UBE3D: variants seen among roughly 807,000 people sequenced by gnomAD.
UBE3D encodes E3 ubiquitin-protein ligase E3D.
UBE3D carries 48 observed loss-of-function variants against 49.6 expected under a neutral mutation model. That is an observed-to-expected ratio of 0.97 (90% confidence interval 0.77 to 1.23). UBE3D has a LOEUF of 1.23. Among genes scored for constraint, UBE3D ranks in the 50% most tolerant of loss-of-function variants. The probability of loss-of-function intolerance (pLI) is 0.00; values close to 1 mark genes in which losing one functional copy is unlikely to be tolerated. For synonymous variants in UBE3D, 189 were observed against 174.2 expected, an observed-to-expected ratio of 1.08 and a Z score of -0.67; for missense variants, 452 against 468.4, an observed-to-expected ratio of 0.96 and a Z score of 0.32.
chr6:83,056,690 T>A (rs1783834677), intron 2 of UBE3D, among the ~76,000 whole-genome samples: 1 of 152,104 alleles, frequency 6.6e-6, no homozygotes, highest in African/African-American at 2.4e-5. Context: ...CTCTCTATCT[T>A]CTCTTTCCTC....
At chr6:82,893,661 G>T (rs1015439343) in intron 9 of UBE3D, among the ~76,000 whole-genome samples, 1 of 152,158 alleles carries the variant, frequency 6.6e-6, no homozygotes, top group African/African-American at 2.4e-5. Context: ...TAGTTCAGGG[G>T]TGACAATAAA....
At chr6:82,977,181 A>C (rs753085480) in intron 8 of UBE3D, among the ~76,000 whole-genome samples, 1 of 151,336 alleles carries the variant, frequency 6.6e-6, no homozygotes, top group Non-Finnish European at 1.5e-5. Flanking sequence ...TAATCCAAAA[A>C]TGCTCTCTGG....
chr6:83,058,451 T>C (rs150955774), intron 1 of UBE3D, among the ~76,000 whole-genome samples: 6 of 152,310 alleles, frequency 3.9e-5, no homozygotes, highest in Non-Finnish European at 7.3e-5. Context: ...GAATATCAGG[T>C]GTGAAAGGAC....
At chr6:82,891,148 C>T (rs917092018), downstream of UBE3D, among the ~76,000 whole-genome samples, 29 of 152,214 alleles carry the variant, frequency 1.9e-4, no homozygotes, top group African/African-American at 6.5e-4. Flanking sequence ...ACTCCATAGA[C>T]AGTCACCAAA....
At chr6:83,046,676 G>GGGT (rs1554211657) in intron 3 of UBE3D, among the ~76,000 whole-genome samples, 6 of 138,202 alleles carry the variant, frequency 4.3e-5, no homozygotes, top group Admixed American at 1.5e-4. Context: ...AGTTGGCGGG[G>GGGT]GGGGTGGGCG....
intron 6 of UBE3D, among the ~76,000 whole-genome samples, chr6:83,023,044 G>C (rs1781214404): frequency 6.6e-6 from 1 of 152,148 alleles, no homozygotes; most frequent in Non-Finnish European, 1.5e-5. Context: ...TATACTCAAA[G>C]ATTGCTATAA....
At chr6:83,057,258 C>T (rs1467677812) in intron 2 of UBE3D, among the ~76,000 whole-genome samples, 1 of 152,178 alleles carries the variant, frequency 6.6e-6, no homozygotes, top group Non-Finnish European at 1.5e-5. Flanking sequence ...ACCCTAGTCA[C>T]TCCCTATCCC....
intron 8 of UBE3D, among the ~76,000 whole-genome samples, chr6:82,974,841 T>G (rs1182096788): frequency 6.6e-6 from 1 of 152,098 alleles, no homozygotes; most frequent in African/African-American, 2.4e-5. Flanking sequence ...TAAAACACTG[T>G]CATCCTCTGA....
chr6:82,885,383 G>T, the UBE3D span, among the ~76,000 whole-genome samples: 2 of 152,188 alleles, frequency 1.3e-5, no homozygotes, highest in Non-Finnish European at 2.9e-5. Context: ...ACAAGGAGGG[G>T]TGGCAGACCA....
intron 8 of UBE3D, among the ~76,000 whole-genome samples, chr6:82,979,504 A>G (rs1777962669): frequency 6.6e-6 from 1 of 152,188 alleles, no homozygotes; most frequent in Non-Finnish European, 1.5e-5. Context: ...GCTCTTCAGA[A>G]CCTGAGCCCT....
chr6:82,897,727 A>T (rs2127713848), intron 9 of UBE3D, among the ~76,000 whole-genome samples: 1 of 151,362 alleles, frequency 6.6e-6, no homozygotes, highest in Middle Eastern at 3.4e-3. Context: ...CAGCTAGCAA[A>T]TATACTTGAT....
At position 83,065,618 on chromosome 6, in the gene UBE3D, T is replaced by TG. The variant is rs762870884; in HGVS notation, c.77+23dup. 11 of 1,612,938 alleles carry TG rather than the reference T, an allele frequency of 6.8e-6. No individual in the cohort carries two copies. The Admixed American group carries it at 8.3e-5, about 12-fold the overall frequency. On this transcript the variant is annotated intron_variant, in intron 1 of 9. Coordinates refer to ENST00000369747, the MANE Select transcript of UBE3D (RefSeq NM_198920.3). The stretch of plus-strand genomic sequence containing the variant: ...GGCAGCAGTAAAGCGAGCTGGGCAC[T>TG]GCGCCTAGAATCCCAGTTCTTACCC...
chr6:83,027,116 T>A (rs1166452057), intron 5 of UBE3D, among the ~76,000 whole-genome samples: 2 of 151,998 alleles, frequency 1.3e-5, no homozygotes, highest in African/African-American at 4.8e-5. Flanking sequence ...TTCTTCTACC[T>A]GAGTACAGGT....
intron 2 of UBE3D, 48 bp from the exon 3 acceptor site, chr6:83,054,286 T>C (rs1783670426): frequency 3.5e-6 from 5 of 1,419,452 alleles, no homozygotes; most frequent in South Asian, 2.3e-5. Flanking sequence ...GAAACAAATA[T>C]ATTAACATAC....
In UBE3D at chr6:83,044,437, A is replaced by G; in HGVS notation, c.588T>C (p.His196=). The G allele has an allele frequency of 6.2e-7, 1 of 1,613,902 alleles. No individual in the cohort carries two copies. The highest frequency in any genetic ancestry group is 8.5e-7 in the Non-Finnish European group (1 of 1,179,780). The change falls in exon 4 of 10, where the codon CAT becomes CAC. Residue 196 remains histidine (H), a synonymous_variant. Coordinates refer to ENST00000369747, the MANE Select transcript of UBE3D (RefSeq NM_198920.3). ...VEMCCVSSDN[H]CKLEPKANTK... is the part of the protein sequence containing the mutation. ...TGAAATGATATTTTACCAATTTACA[A>G]TGGTTGTCAGAAGAAACACAGCACA...
intron 9 of UBE3D, among the ~76,000 whole-genome samples, chr6:82,950,056 AATC>A: frequency 6.6e-6 from 1 of 152,158 alleles, no homozygotes; most frequent in Non-Finnish European, 1.5e-5. Context: ...CAAAGGAAAC[AATC>A]AACAAAGTGA....
intron 9 of UBE3D, among the ~76,000 whole-genome samples, chr6:82,945,999 A>G (rs1775374613): frequency 6.6e-6 from 1 of 152,174 alleles, no homozygotes; most frequent in South Asian, 2.1e-4. Context: ...TGAAGCATAC[A>G]TACAAGATCT....
At chr6:82,962,051 T>C (rs891175475) in intron 8 of UBE3D, among the ~76,000 whole-genome samples, 3 of 152,020 alleles carry the variant, frequency 2.0e-5, no homozygotes, top group South Asian at 4.2e-4. Flanking sequence ...GGTAGTAAGA[T>C]AGACAATGAA....
chr6:83,007,791 A>G (rs1390165896), intron 8 of UBE3D, among the ~76,000 whole-genome samples: 4 of 152,064 alleles, frequency 2.6e-5, no homozygotes, highest in Non-Finnish European at 4.4e-5. Context: ...CAAAATATAC[A>G]AAAAGTAGCT....
Sources: allele counts gnomAD v4.1 joint callset (sites outside exome capture counted in the v4.1 genomes callset), GRCh38; gene constraint gnomAD v4.1.1; transcripts MANE v1.5; gene names NCBI Gene and HGNC (gene_info 2026-07-23, HGNC 2026-07-21).